TACC2: variants seen among roughly 807,000 people sequenced by gnomAD.
TACC2 encodes transforming acidic coiled-coil-containing protein 2.
In TACC2, 137 loss-of-function variants were observed where a neutral mutation model predicts 227.3. The observed-to-expected ratio is 0.60, with a 90% CI of 0.52 to 0.69. TACC2 has a LOEUF of 0.69. Ranked by LOEUF, TACC2 falls within the 30% of genes least tolerant of loss-of-function variation. The probability of loss-of-function intolerance (pLI) is 0.00; values close to 1 mark genes in which losing one functional copy is unlikely to be tolerated. For missense variants in TACC2, 3,470 were observed against 3,694.4 expected (o/e 0.94, Z 1.57); for synonymous variants, 1,523 against 1,487.5 (o/e 1.02, Z -0.55).
Position 122,084,078 on chromosome 10 carries a change from C to T in TACC2, c.1578C>T (p.Val526=). ...TTCCCAAGGAGCAAAGCCATGAGGT[C>T]CAACCAGGAGCACCACCCCCTCCTC... ...PPLPKEQSHE[V]QPGAPPPPLP... is the part of the protein sequence containing the mutation. Residue 526 remains valine (V), a synonymous_variant, in exon 4 of 23, where the codon GTC becomes GTT. Coordinates refer to ENST00000369005, the MANE Select transcript of TACC2 (RefSeq NM_206862.4). 1 of 1,614,114 alleles carries T rather than the reference C, an allele frequency of 6.2e-7. No individual in the cohort carries two copies. The highest frequency in any genetic ancestry group is 8.5e-7 in the Non-Finnish European group (1 of 1,180,024).
At chr10:122,088,352 G>A (rs1286965398) in intron 4 of TACC2, 126 bp from the exon 5 acceptor site, 1 of 814,046 alleles carries the variant, frequency 1.2e-6, no homozygotes, top group Non-Finnish European at 1.8e-6. Context: ...CTTTTTCCTA[G>A]GGATTTTTTT....
At chr10:122,152,065 T>TCC (rs2092097533) in intron 7 of TACC2, among the ~76,000 whole-genome samples, 1 of 152,152 alleles carries the variant, frequency 6.6e-6, no homozygotes, top group Non-Finnish European at 1.5e-5. Flanking sequence ...AAGGGTATAA[T>TCC]TCCCCATGTG....
chr10:122,143,742 C>G (rs746661012), intron 7 of TACC2, 36 bp downstream of exon 7: 1 of 1,602,360 alleles, frequency 6.2e-7, no homozygotes, highest in South Asian at 1.1e-5. Context: ...CACCTGCCCC[C>G]GGAGAGCAGG....
At chr10:122,108,477 G>A (rs1405427876) in intron 5 of TACC2, among the ~76,000 whole-genome samples, 2 of 80,026 alleles carry the variant, frequency 2.5e-5, no homozygotes, top group African/African-American at 9.1e-5. Context: ...TGGAGTTCTA[G>A]TCTTGTCACC....
At chr10:122,098,196 C>T (rs953563058) in intron 5 of TACC2, among the ~76,000 whole-genome samples, 1 of 152,088 alleles carries the variant, frequency 6.6e-6, no homozygotes, top group Non-Finnish European at 1.5e-5. Context: ...ACATCATGAT[C>T]CTAGGTTGTC....
chr10:122,210,967 A>G lies in TACC2; in HGVS notation c.6542A>G (p.Glu2181Gly). The change falls in exon 9 of 23, where the codon GAA becomes GGA. Residue 2181 changes from glutamate to glycine, a missense_variant. Around this residue, in one of 10 missense-constraint regions of TACC2, gnomAD observed 593 missense variants for 636.6 expected, o/e 0.93. Transcript: ENST00000369005. The surrounding 1 kb of genome is among the most constrained non-coding windows in gnomAD (Gnocchi z 4.6). ...SETKTESAKT[E>G]GPSPALLEET... ...ACGAAAACGGAATCTGCCAAGACGG[A>G]AGGTCCTAGCCCAGCCTTATTGGAG... The G allele has an allele frequency of 6.2e-7, 1 of 1,613,982 alleles. No homozygotes were observed. Among genetic ancestry groups the G allele is most frequent in the South Asian group, 1.1e-5 (1 of 91,060 alleles).
intron 8 of TACC2, among the ~76,000 whole-genome samples, chr10:122,207,497 C>T (rs538852556): frequency 6.6e-6 from 1 of 152,230 alleles, no homozygotes; most frequent in African/African-American, 2.4e-5. Flanking sequence ...GTTGTCACAG[C>T]TGGGGTAAGG....
intron 3 of TACC2, among the ~76,000 whole-genome samples, chr10:122,063,217 G>A (rs1258405161): frequency 6.6e-6 from 1 of 152,206 alleles, no homozygotes; most frequent in Non-Finnish European, 1.5e-5. Context: ...ACATCGGCCC[G>A]GGCCAGCTCT....
intron 8 of TACC2, among the ~76,000 whole-genome samples, chr10:122,196,947 A>AC (rs2094591313): frequency 6.7e-6 from 1 of 149,234 alleles, no homozygotes; most frequent in Admixed American, 6.7e-5. Flanking sequence ...AAAAAAAAAA[A>AC]AAAACAAAAA....
intron 7 of TACC2, among the ~76,000 whole-genome samples, chr10:122,153,333 A>G (rs10887092): frequency 0.052 from 7,882 of 152,252 alleles, 290 homozygotes; most frequent in East Asian, 0.2. Flanking sequence ...CAGTCCTGTC[A>G]GGGAGATATT....
chr10:122,020,857 G>A (rs527311370), intron 1 of TACC2, among the ~76,000 whole-genome samples: 12 of 152,276 alleles, frequency 7.9e-5, no homozygotes, highest in Admixed American at 2.6e-4. Flanking sequence ...ATGTTACAGC[G>A]TCTTATGGAA....
At chr10:122,091,333 T>C (rs2080795066) in intron 5 of TACC2, among the ~76,000 whole-genome samples, 1 of 152,204 alleles carries the variant, frequency 6.6e-6, no homozygotes, top group East Asian at 1.9e-4. Flanking sequence ...TTGGATCTAT[T>C]GGGTTAAAAT....
Position 122,083,620 on chromosome 10 carries a change from G to A in TACC2, c.1120G>A (p.Gly374Ser). The change falls in exon 4 of 23, where the codon GGT becomes AGT. Residue 374 changes from glycine (G) to serine (S), a missense_variant. By Grantham distance (56) the Gly-to-Ser change is moderately conservative. Transcript: ENST00000369005. ...KEALDTIDVQGHPQTGMRGTK... is the reference protein window; with the variant it reads ...KEALDTIDVQSHPQTGMRGTK... Reference sequence around the variant, plus strand: ...GGCTCTGGACACCATTGATGTTCAGGGTCACCCACAGACAGGGATGCGAGG... The same window carrying A: ...GGCTCTGGACACCATTGATGTTCAGAGTCACCCACAGACAGGGATGCGAGG... 6.2e-7 allele frequency: 1 copy of A among 1,611,720 alleles called. No individual in the cohort carries two copies. Among genetic ancestry groups the A allele is most frequent in the Non-Finnish European group, 8.5e-7 (1 of 1,180,026 alleles).
intron 1 of TACC2, among the ~76,000 whole-genome samples, chr10:122,008,718 G>A (rs879531435): frequency 5.9e-5 from 9 of 151,822 alleles, no homozygotes; most frequent in South Asian, 2.1e-4. Flanking sequence ...GATTACAGGC[G>A]CCAGCCACCA....
chr10:122,117,121 T>TC (rs1171007672), intron 5 of TACC2, among the ~76,000 whole-genome samples: 1 of 151,742 alleles, frequency 6.6e-6, no homozygotes, highest in Non-Finnish European at 1.5e-5. Context: ...TTAAATCAAG[T>TC]CCCTCAAATC....
At chr10:122,068,021 C>T (rs551236811) in intron 3 of TACC2, among the ~76,000 whole-genome samples, 13 of 152,212 alleles carry the variant, frequency 8.5e-5, no homozygotes, top group African/African-American at 2.4e-4. Flanking sequence ...TTCTTTCAGT[C>T]TTAATTCTCT....
At chr10:122,119,974 C>T (rs1236917003) in intron 5 of TACC2, among the ~76,000 whole-genome samples, 1 of 152,088 alleles carries the variant, frequency 6.6e-6, no homozygotes, top group East Asian at 1.9e-4. Context: ...GCTGCCGGCT[C>T]CCTGCCTTGT....
intron 5 of TACC2, among the ~76,000 whole-genome samples, chr10:122,090,515 C>G (rs1024801358): frequency 1.4e-5 from 2 of 144,048 alleles, no homozygotes; most frequent in African/African-American, 5.1e-5. Flanking sequence ...CCACTGCACT[C>G]CAGCCTGGGT....
At chr10:122,060,687 G>A (rs1228363297) in intron 3 of TACC2, among the ~76,000 whole-genome samples, 1 of 152,192 alleles carries the variant, frequency 6.6e-6, no homozygotes, top group East Asian at 1.9e-4. Context: ...GCCAGGACTT[G>A]CTGATAGACT....
Sources: allele counts gnomAD v4.1 joint callset (sites outside exome capture counted in the v4.1 genomes callset), GRCh38; gene constraint gnomAD v4.1.1; regional missense constraint gnomAD v4.1.1; non-coding constraint Gnocchi (gnomAD v3.1); transcripts MANE v1.5; gene names NCBI Gene and HGNC (gene_info 2026-07-23, HGNC 2026-07-21).